The following GPRC6A variants were observed in gnomAD, a reference collection of about 807,000 sequenced individuals.
GPRC6A encodes G protein-coupled receptor class C group 6 member A.
Under a neutral mutation model 47.0 loss-of-function variants are expected in GPRC6A, and 54 were observed. The ratio of observed to expected loss-of-function variants is 1.15; its 90% confidence interval spans 0.92 to 1.44. The LOEUF (loss-of-function observed/expected upper bound fraction) is 1.44. GPRC6A is among the 40% of genes most tolerant of loss of function. GPRC6A has a pLI of 0.00. For synonymous variants in GPRC6A, 347 were observed against 377.1 expected, an observed-to-expected ratio of 0.92 and a Z score of 0.93; for missense variants, 1,112 against 1,105.5, an observed-to-expected ratio of 1.01 and a Z score of -0.08.
At position 116,806,484 on chromosome 6, in the gene GPRC6A, A is replaced by T. The variant is rs770908700; in HGVS notation, c.1221T>A (p.Ala407=). 47 of 1,613,376 alleles carry T rather than the reference A, an allele frequency of 2.9e-5. No individual in the cohort carries two copies. The highest frequency in any genetic ancestry group is 3.9e-5 in the Non-Finnish European group (46 of 1,179,624). ...GAATACTATGAATGAGTCCTGGCTC[A>T]GCATAGTCCCAGAGGAAGTCATTTC... is the stretch of plus-strand genomic sequence containing the variant. ...VMRNDFLWDY[A]EPGLIHSIQL... The change falls in exon 3 of 6, where the codon GCT becomes GCA. Residue 407 remains alanine, a synonymous_variant. Coordinates refer to ENST00000310357, the MANE Select transcript of GPRC6A (RefSeq NM_148963.4).
chr6:116,822,031 C>G (rs1582479649), intron 1 of GPRC6A, among the ~76,000 whole-genome samples: 1 of 143,206 alleles, frequency 7.0e-6, no homozygotes, highest in Middle Eastern at 3.7e-3. Context: ...ACGAACAACC[C>G]CATCAAAAAG....
chr6:116,793,346 G>T (rs768617704), intron 5 of GPRC6A, 96 bp from the exon 6 acceptor site: 11 of 810,322 alleles, frequency 1.4e-5, no homozygotes, highest in Non-Finnish European at 1.9e-5. Context: ...TAATAGTTCT[G>T]ACTAGAGAAT....
At chr6:116,804,077 T>C (rs774022928) in intron 3 of GPRC6A, among the ~76,000 whole-genome samples, 6 of 152,102 alleles carry the variant, frequency 3.9e-5, no homozygotes, top group Non-Finnish European at 8.8e-5. Flanking sequence ...AGTTCAACTA[T>C]TAGGCATTCT....
At chr6:116,802,014 C>A (rs1772691326) in intron 3 of GPRC6A, among the ~76,000 whole-genome samples, 1 of 152,190 alleles carries the variant, frequency 6.6e-6, no homozygotes, top group South Asian at 2.1e-4. Context: ...GCAATATACA[C>A]ATGTAAACCC....
At chr6:116,820,423 C>A (rs1165642852) in intron 1 of GPRC6A, among the ~76,000 whole-genome samples, 1 of 151,902 alleles carries the variant, frequency 6.6e-6, no homozygotes, top group Non-Finnish European at 1.5e-5. Flanking sequence ...AATTTTAGAC[C>A]AATATCCTTG....
chr6:116,798,095 C>T (rs1489036212), intron 4 of GPRC6A, among the ~76,000 whole-genome samples: 3 of 152,066 alleles, frequency 2.0e-5, no homozygotes, highest in African/African-American at 7.2e-5. Flanking sequence ...TTTAGCTCGT[C>T]GAACTTAAGT....
At chr6:116,818,407 G>A (rs868191399) in intron 1 of GPRC6A, among the ~76,000 whole-genome samples, 95 of 145,394 alleles carry the variant, frequency 6.5e-4, no homozygotes, top group Middle Eastern at 3.6e-3. Context: ...AGTGGCGGGC[G>A]CCTGTAGTCC....
intron 1 of GPRC6A, among the ~76,000 whole-genome samples, chr6:116,818,070 ATGTAAT>A (rs1287145239): frequency 1.3e-5 from 2 of 152,182 alleles, no homozygotes; most frequent in Non-Finnish European, 2.9e-5. Context: ...ACTCCAAGAC[ATGTAAT>A]TGTCAGATTC....
Position 116,807,208 on chromosome 6 carries a change from T to C in GPRC6A, c.499-2A>G, listed in dbSNP as rs766735772. ...TTCTGCAGTTGATTCATAACCCACC[T>C]GGAAATAGACAGAATATTTTAGTTA... On this transcript the variant is annotated splice_acceptor_variant, in intron 2 of 5. Coordinates refer to ENST00000310357, the MANE Select transcript of GPRC6A (RefSeq NM_148963.4). LOFTEE classifies it high-confidence loss of function. 2 of 1,579,026 alleles carry C rather than the reference T, an allele frequency of 1.3e-6. No homozygotes were observed. Among genetic ancestry groups the C allele is most frequent in the Non-Finnish European group, 8.7e-7 (1 of 1,150,748 alleles).
chr6:116,803,821 A>G (rs996153851), intron 3 of GPRC6A, among the ~76,000 whole-genome samples: 1 of 152,084 alleles, frequency 6.6e-6, no homozygotes, highest in Non-Finnish European at 1.5e-5. Context: ...ATGTTCTCTG[A>G]ATTGTTAATA....
At chr6:116,809,664 T>G (rs1428337329) in intron 1 of GPRC6A, 47 bp from the exon 2 acceptor site, 2 of 1,343,654 alleles carry the variant, frequency 1.5e-6, no homozygotes, top group Admixed American at 1.8e-5. Context: ...AACTCTTCTA[T>G]GGACATGGCT....
rs1240549753 is a variant in GPRC6A, at chr6:116,807,100, A to G, written c.605T>C (p.Leu202Pro). The G allele has an allele frequency of 6.2e-7, 1 of 1,613,256 alleles. No individual in the cohort carries two copies. Among genetic ancestry groups the G allele is most frequent in the Admixed American group, 1.7e-5 (1 of 59,974 alleles). ...CCAGTTCCAACCAGATTTCTGAATC[A>G]GGTGAGCCATTGCTTTAATTTGATG... ...DFHQIKAMAH[L>P]IQKSGWNWIG... Residue 202 changes from leucine to proline, a missense_variant, in exon 3 of 6, where the codon CTG becomes CCG. Coordinates refer to ENST00000310357, the MANE Select transcript of GPRC6A (RefSeq NM_148963.4).
chr6:116,822,773 G>A (rs1057472639), intron 1 of GPRC6A, among the ~76,000 whole-genome samples: 5 of 150,338 alleles, frequency 3.3e-5, no homozygotes, highest in African/African-American at 9.8e-5. Context: ...TGACGAGTTA[G>A]TGGGTGCAGC....
chr6:116,825,245 G>T (rs1582483563), intron 1 of GPRC6A, among the ~76,000 whole-genome samples: 2 of 151,924 alleles, frequency 1.3e-5, no homozygotes, highest in African/African-American at 4.8e-5. Context: ...AAGCAATCAG[G>T]CAAGAGAAAG....
In GPRC6A at chr6:116,809,330, A is replaced by T; in HGVS notation, c.482T>A (p.Leu161Ter). ...ITMAVSRMLN[L>*]QLMPQVGYES... ...AAAACCTACCTGTGGCATGAGCTGT[A>T]AATTCAACATCCTGGAGACAGCCAT... The change falls in exon 2 of 6, where the codon TTA (leucine) becomes TAA (stop). Residue 161 changes from leucine to a stop codon, truncating the protein, a stop_gained. Coordinates refer to ENST00000310357, the MANE Select transcript of GPRC6A (RefSeq NM_148963.4). LOFTEE classifies it high-confidence loss of function. 1 of 1,612,798 alleles carries T rather than the reference A, an allele frequency of 6.2e-7. No homozygotes were observed. Among genetic ancestry groups the T allele is most frequent in the Non-Finnish European group, 8.5e-7 (1 of 1,179,076 alleles).
In GPRC6A at chr6:116,792,094, G is replaced by T; in HGVS notation, c.*48C>A. The stretch of plus-strand genomic sequence containing the variant: ...AGTAAATTTATATCTTAGATGCAAA[G>T]ACCCTGGAAACATTTTATTCTGGAA... On this transcript the variant is annotated 3_prime_UTR_variant, in exon 6 of 6. Transcript: ENST00000310357. The T allele has an allele frequency of 1.3e-6, 2 of 1,482,476 alleles. No homozygotes were observed. Among genetic ancestry groups the T allele is most frequent in the Non-Finnish European group, 1.8e-6 (2 of 1,092,148 alleles). The allele number at this position is 1,482,476 out of a possible 1,614,324, so 91.8% of individuals were successfully genotyped here. A position where few individuals can be genotyped will look rare whatever the true frequency, so the allele number is the denominator to read the frequency against.
At chr6:116,817,278 C>A (rs1042262086) in intron 1 of GPRC6A, among the ~76,000 whole-genome samples, 8 of 152,062 alleles carry the variant, frequency 5.3e-5, no homozygotes, top group African/African-American at 1.9e-4. Flanking sequence ...CAGGGGCACA[C>A]TGACATCTCA....
In GPRC6A at chr6:116,806,714, C is replaced by T. The variant is rs1468984005; in HGVS notation, c.991G>A (p.Gly331Arg). The T allele has an allele frequency of 2.5e-6, 4 of 1,613,274 alleles. No homozygotes were observed. In the Admixed American group the frequency reaches 6.7e-5, roughly 27 times the overall value. Residue 331 changes from glycine to arginine, a missense_variant, in exon 3 of 6, where the codon GGG becomes AGG. Gly to Arg is a moderately radical substitution (Grantham distance 125). Coordinates refer to ENST00000310357, the MANE Select transcript of GPRC6A (RefSeq NM_148963.4). Reference protein sequence around the residue: ...GKVVGFAFRRGNISSFHSFLQ... With the variant: ...GKVVGFAFRRRNISSFHSFLQ... Reference sequence around the variant, plus strand: ...AAGGAATGGAAAGAGGATATATTCCCTCTTCTAAAGGCAAACCCTACAACT... The same window carrying T: ...AAGGAATGGAAAGAGGATATATTCCTTCTTCTAAAGGCAAACCCTACAACT...
At chr6:116,820,546 G>C (rs959634353) in intron 1 of GPRC6A, among the ~76,000 whole-genome samples, 28 of 149,248 alleles carry the variant, frequency 1.9e-4, no homozygotes, top group Admixed American at 3.3e-4. Context: ...ATGCAAGGCT[G>C]GTTCAATATA....
Sources: allele counts gnomAD v4.1 joint callset (sites outside exome capture counted in the v4.1 genomes callset), GRCh38; gene constraint gnomAD v4.1.1; transcripts MANE v1.5; gene names NCBI Gene and HGNC (gene_info 2026-07-23, HGNC 2026-07-21).